DIXDC1: variants seen among roughly 807,000 people sequenced by gnomAD.
DIXDC1 encodes the protein DIX domain containing 1, also known as dixin.
DIXDC1 carries 64 observed loss-of-function variants against 103.1 expected under a neutral mutation model. That is an observed-to-expected ratio of 0.62 (90% CI 0.51 to 0.76). The LOEUF is 0.76. Among genes scored for constraint, DIXDC1 ranks in the 30% least tolerant of loss-of-function variants. The pLI, the probability that DIXDC1 is intolerant of heterozygous loss-of-function variation, is 0.00. For missense variants in DIXDC1, 759 were observed against 834.2 expected (o/e 0.91, Z 1.11); for synonymous variants, 266 against 298.5 (o/e 0.89, Z 1.12).
chr11:112,002,578 C>T (rs977372141), intron 17 of DIXDC1, among the ~76,000 whole-genome samples: 3 of 152,104 alleles, frequency 2.0e-5, no homozygotes, highest in Non-Finnish European at 4.4e-5. Flanking sequence ...ATCGCTTGAG[C>T]TCAGGAGTTC....
intron 7 of DIXDC1, among the ~76,000 whole-genome samples, chr11:111,982,877 A>G (rs1860364015): frequency 6.6e-6 from 1 of 152,224 alleles, no homozygotes; most frequent in African/African-American, 2.4e-5. Flanking sequence ...TAGCAGGAAG[A>G]GTGTAAGAGC....
intron 1 of DIXDC1, among the ~76,000 whole-genome samples, chr11:111,962,218 A>G (rs1161288187): frequency 6.6e-6 from 1 of 152,180 alleles, no homozygotes; most frequent in African/African-American, 2.4e-5. Context: ...GCGGTGGCTC[A>G]TATCTGTAAT....
rs782697225 is a variant in DIXDC1, at chr11:112,017,755, G to A, written c.1863-22G>A. ...AGCTATTGATCAACAGTCTATTTTA[G>A]TGCTCTCTCCTTGTGTTGCAGGTTG... On this transcript the variant is annotated intron_variant, in intron 18 of 19. Coordinates refer to ENST00000440460, the MANE Select transcript of DIXDC1 (RefSeq NM_001037954.4). The surrounding 1 kb of genome is among the most constrained non-coding windows in gnomAD (Gnocchi z 4.0). The A allele has an allele frequency of 6.3e-7, 1 of 1,579,570 alleles. No homozygotes were observed. Among genetic ancestry groups the A allele is most frequent in the African/African-American group, 1.3e-5 (1 of 74,476 alleles).
At chr11:111,992,926 C>T in intron 11 of DIXDC1, 25 bp from the exon 12 acceptor site, 1 of 1,597,294 alleles carries the variant, frequency 6.3e-7, no homozygotes, top group Non-Finnish European at 8.5e-7. Flanking sequence ...ACCTGCGTGC[C>T]ATGAATTCTT....
intron 6 of DIXDC1, among the ~76,000 whole-genome samples, chr11:111,982,058 G>GT (rs1832492926): frequency 6.6e-6 from 1 of 152,210 alleles, no homozygotes; most frequent in Admixed American, 6.5e-5. Flanking sequence ...TAAGGGTGAA[G>GT]TCTGTGTGGC....
intron 1 of DIXDC1, among the ~76,000 whole-genome samples, chr11:111,951,035 A>G (rs955779846): frequency 6.6e-6 from 1 of 152,224 alleles, no homozygotes; most frequent in East Asian, 1.9e-4. Flanking sequence ...GCTAGCATAA[A>G]TAAGAAAAAA....
At chr11:111,942,427 C>G (rs1444559449) in intron 1 of DIXDC1, among the ~76,000 whole-genome samples, 1 of 152,210 alleles carries the variant, frequency 6.6e-6, no homozygotes, top group Non-Finnish European at 1.5e-5. Flanking sequence ...AATGCATTTT[C>G]TTGTTTGTTA....
rs587702467 is a variant in DIXDC1 at position 111,993,690 on chromosome 11, G to A, written c.1387G>A (p.Glu463Lys). The part of the protein sequence containing the change: ...YHQVDLEREL[E>K]HKDVLLAHCM... ...GCAGGTGGATCTAGAGCGAGAGCTA[G>A]AACACAAAGATGTCCTCTTGGCTCA... Residue 463 changes from glutamate to lysine, a missense_variant, in exon 14 of 20, where the codon GAA (glutamate) becomes AAA (lysine). By Grantham distance (56) the Glu-to-Lys change is moderately conservative. This residue lies in a region of DIXDC1 where 657 missense variants were observed against 727.5 expected (regional missense o/e 0.90). Coordinates refer to ENST00000440460, the MANE Select transcript of DIXDC1 (RefSeq NM_001037954.4). 4 of 1,614,032 alleles carry A rather than the reference G, an allele frequency of 2.5e-6. No individual in the cohort carries two copies. The highest frequency in any genetic ancestry group is 3.4e-6 in the Non-Finnish European group (4 of 1,179,898).
At chr11:111,930,244 T>A (rs1447950210) in intron 2 of DIXDC1, among the ~76,000 whole-genome samples, 1 of 152,198 alleles carries the variant, frequency 6.6e-6, no homozygotes, top group Non-Finnish European at 1.5e-5. Flanking sequence ...ACTATGATTT[T>A]AAAAAATGCA....
Position 112,005,171 on chromosome 11 carries a change from A to G in DIXDC1, c.1756+9025A>G, listed in dbSNP as rs587716663. ...GAAGACTCAACTACTGTTTATAGGA[A>G]ACCCACTATAAATATAATGATATAA... On this transcript the variant is annotated intron_variant, in intron 17 of 19. Coordinates refer to ENST00000440460, the MANE Select transcript of DIXDC1 (RefSeq NM_001037954.4). 9.8e-5 allele frequency among the ~76,000 whole-genome samples: 15 copies of G among 152,314 alleles called. No individual in the cohort carries two copies. The East Asian group carries it at 1.9e-3, about 20-fold the overall frequency.
intron 17 of DIXDC1, among the ~76,000 whole-genome samples, chr11:112,014,140 A>T (rs917825479): frequency 6.6e-6 from 1 of 152,156 alleles, no homozygotes; most frequent in East Asian, 1.9e-4. Context: ...AACTTTCAAC[A>T]TGAGGTGTTG....
chr11:111,937,510 G>C lies in DIXDC1; in HGVS notation c.11G>C (p.Cys4Ser). The C allele has an allele frequency of 6.3e-7, 1 of 1,592,866 alleles. No individual in the cohort carries two copies. Among genetic ancestry groups the C allele is most frequent in the South Asian group, 1.1e-5 (1 of 87,392 alleles). The part of the protein sequence containing the change: MLA[C>S]LTRGNLLDVL... ...CCCCCAGCAGGAACAATGCTAGCCT[G>C]CCTGACCCGAGGGAACTTACTGGAC... Residue 4 changes from cysteine (C) to serine (S), a missense_variant, in exon 1 of 20, where the codon TGC becomes TCC. Physicochemically the swap from Cys to Ser is moderately radical, Grantham distance 112. Transcript: ENST00000440460.
At chr11:111,996,173 G>T in intron 17 of DIXDC1, 27 bp downstream of exon 17, 2 of 1,600,250 alleles carry the variant, frequency 1.2e-6, no homozygotes, top group South Asian at 1.1e-5. Flanking sequence ...GCTCAGTAGG[G>T]ACTCCTAGCA....
chr11:111,947,683 T>G (rs1404834922), intron 1 of DIXDC1, among the ~76,000 whole-genome samples: 1 of 152,222 alleles, frequency 6.6e-6, no homozygotes, highest in Non-Finnish European at 1.5e-5. Context: ...AGAAGGATAG[T>G]ATAACCCTTC....
chr11:112,004,324 C>G (rs1452310822), intron 17 of DIXDC1, among the ~76,000 whole-genome samples: 1 of 152,090 alleles, frequency 6.6e-6, no homozygotes, highest in Non-Finnish European at 1.5e-5. Flanking sequence ...ACATCCAGAC[C>G]ATTCTCGCTT....
At chr11:111,948,318 C>T (rs782221101) in intron 1 of DIXDC1, among the ~76,000 whole-genome samples, 2 of 152,190 alleles carry the variant, frequency 1.3e-5, no homozygotes, top group Non-Finnish European at 2.9e-5. Context: ...TTCATTCCAT[C>T]AAGTTCTCCT....
In DIXDC1 at chr11:111,953,687, A is replaced by G. The variant is rs150444345; in HGVS notation, c.61-10862A>G. Among the ~76,000 whole-genome samples, 437 of 152,304 alleles carry G rather than the reference A, an allele frequency of 2.9e-3. 8 individuals carry two copies. Among genetic ancestry groups the G allele is most frequent in the African/African-American group, 9.8e-3 (409 of 41,570 alleles). On this transcript the variant is annotated intron_variant, in intron 1 of 19. Coordinates refer to ENST00000440460, the MANE Select transcript of DIXDC1 (RefSeq NM_001037954.4). ...AGAATTTGGGGCTAACCAAAAATGAACTACAAAGAGTAACAGATGAACCTA... is the reference window on the plus strand; with the variant it reads ...AGAATTTGGGGCTAACCAAAAATGAGCTACAAAGAGTAACAGATGAACCTA...
At chr11:111,934,213 C>T (rs74449703), upstream of DIXDC1, among the ~76,000 whole-genome samples, 1,105 of 152,308 alleles carry the variant, frequency 7.3e-3, 14 homozygotes, top group African/African-American at 0.025. Context: ...GTAATTGTGA[C>T]AGTCAAATGA....
At chr11:111,964,516 C>T in intron 1 of DIXDC1, 33 bp from the exon 2 acceptor site, 3 of 1,564,656 alleles carry the variant, frequency 1.9e-6, no homozygotes, top group South Asian at 1.2e-5. Context: ...TTAATATGCT[C>T]TCTTTCCCTT....
Sources: allele counts gnomAD v4.1 joint callset (sites outside exome capture counted in the v4.1 genomes callset), GRCh38; gene constraint gnomAD v4.1.1; regional missense constraint gnomAD v4.1.1; non-coding constraint Gnocchi (gnomAD v3.1); transcripts MANE v1.5; gene names NCBI Gene and HGNC (gene_info 2026-07-23, HGNC 2026-07-21).